LAMA1: variants seen among roughly 807,000 people sequenced by gnomAD.
LAMA1 encodes laminin subunit alpha-1.
In LAMA1, 219 loss-of-function variants were observed where a neutral mutation model predicts 348.7. That is an observed-to-expected ratio of 0.63 (90% confidence interval 0.56 to 0.70). The LOEUF (loss-of-function observed/expected upper bound fraction) is 0.70. Among genes scored for constraint, LAMA1 ranks in the 30% least tolerant of loss-of-function variants. LAMA1 has a pLI of 0.00. For synonymous variants in LAMA1, 1,487 were observed against 1,491.0 expected, an observed-to-expected ratio of 1.00 and a Z score of 0.06; for missense variants, 3,744 against 3,888.0, an observed-to-expected ratio of 0.96 and a Z score of 0.99.
intron 3 of LAMA1, among the ~76,000 whole-genome samples, chr18:7,055,941 G>A (rs576301907): frequency 2.6e-5 from 4 of 152,160 alleles, no homozygotes; most frequent in African/African-American, 4.8e-5. Flanking sequence ...TTAGCTGGGC[G>A]TGGTGGCGGA....
intron 1 of LAMA1, among the ~76,000 whole-genome samples, chr18:7,098,322 G>A (rs1306921907): frequency 9.9e-5 from 15 of 151,542 alleles, no homozygotes; most frequent in African/African-American, 3.4e-4. Flanking sequence ...CGTCTGGGAT[G>A]TGAGGAGCCC....
At chr18:7,115,975 A>G (rs2058354651) in intron 1 of LAMA1, among the ~76,000 whole-genome samples, 2 of 152,072 alleles carry the variant, frequency 1.3e-5, no homozygotes. Flanking sequence ...ACTGCAAAAA[A>G]AAAAAATCAA....
chr18:7,103,540 C>A (rs540993501), intron 1 of LAMA1, among the ~76,000 whole-genome samples: 2 of 152,132 alleles, frequency 1.3e-5, no homozygotes, highest in Admixed American at 1.3e-4. Flanking sequence ...GGTGTGGTGG[C>A]TCACGCCTGT....
chr18:7,078,902 G>A (rs976167354), intron 3 of LAMA1, among the ~76,000 whole-genome samples: 7 of 152,250 alleles, frequency 4.6e-5, no homozygotes, highest in South Asian at 2.1e-4. Flanking sequence ...CAGGAGAATC[G>A]CTTGAACCGG....
chr18:7,021,298 G>A (rs890140110), intron 19 of LAMA1, among the ~76,000 whole-genome samples: 9 of 152,124 alleles, frequency 5.9e-5, no homozygotes, highest in African/African-American at 9.7e-5. Flanking sequence ...TCCTGTGGCC[G>A]CTAACCACAC....
Position 6,999,554 on chromosome 18 carries a change from G to A in LAMA1, c.4554C>T (p.His1518=), listed in dbSNP as rs145068849. Residue 1518 remains histidine, a synonymous_variant, in exon 32 of 63, where the codon CAC becomes CAT. Coordinates refer to ENST00000389658, the MANE Select transcript of LAMA1 (RefSeq NM_005559.4). Reference sequence around the variant, plus strand: ...GCCCAGATGTGCGGTCACAGTCACCGTGGACAGAGCCGTGCGGGTTGCAGT... The same window carrying A: ...GCCCAGATGTGCGGTCACAGTCACCATGGACAGAGCCGTGCGGGTTGCAGT... ...KCDCNPHGSV[H]GDCDRTSGQC... 3,927 of 1,614,100 alleles carry A rather than the reference G, an allele frequency of 2.4e-3. 9 individuals carry two copies. The highest frequency in any genetic ancestry group is 3.1e-3 in the Non-Finnish European group (3,605 of 1,180,004).
chr18:7,099,908 A>C (rs559835321), intron 1 of LAMA1, among the ~76,000 whole-genome samples: 140 of 151,844 alleles, frequency 9.2e-4, no homozygotes, highest in African/African-American at 3.2e-3. Flanking sequence ...AAATACAAAA[A>C]ATTAGCCGGG....
At chr18:7,002,527 C>A in intron 29 of LAMA1, 142 bp from the exon 30 acceptor site, 1 of 936,154 alleles carries the variant, frequency 1.1e-6, no homozygotes, top group South Asian at 1.3e-5. Flanking sequence ...CATTTTCCTC[C>A]ATATTCTTAA....
chr18:7,097,908 G>A (rs142308471), intron 1 of LAMA1, among the ~76,000 whole-genome samples: 5,400 of 150,630 alleles, frequency 0.036, 278 homozygotes, highest in African/African-American at 0.12. Context: ...CTCTCATGCT[G>A]AGCCGAAGCT....
rs184555667 is a variant in LAMA1, at chr18:6,984,893, C to G, written c.5660+344G>C. Among the ~76,000 whole-genome samples the G allele has an allele frequency of 8.5e-4, 130 of 152,278 alleles. 1 individual carries two copies. The highest frequency in any genetic ancestry group is 2.5e-3 in the African/African-American group (104 of 41,560). On this transcript the variant is annotated intron_variant, in intron 39 of 62. Coordinates refer to ENST00000389658, the MANE Select transcript of LAMA1 (RefSeq NM_005559.4). ...AAGAAATTAATAACCTCATTCTGTT[C>G]CACCTGCAACCTAACAAAGCCCTGA...
chr18:7,020,517 G>A (rs986895648), intron 19 of LAMA1, among the ~76,000 whole-genome samples: 21 of 152,180 alleles, frequency 1.4e-4, no homozygotes, highest in Non-Finnish European at 1.3e-4. Flanking sequence ...AGGACTGCTC[G>A]TGGGATATGC....
At chr18:6,955,515 C>T in intron 56 of LAMA1, 50 bp from the exon 57 acceptor site, 1 of 1,350,428 alleles carries the variant, frequency 7.4e-7, no homozygotes, top group South Asian at 1.2e-5. Context: ...GCCCGAACCC[C>T]ACTGACACAC....
chr18:6,947,343 C>A (rs1402154554), intron 60 of LAMA1, 47 bp from the exon 61 acceptor site: 4 of 1,611,788 alleles, frequency 2.5e-6, no homozygotes, highest in Non-Finnish European at 3.4e-6. Flanking sequence ...GCTGCCAGGC[C>A]CAGGTTGAGC....
At chr18:6,948,625 T>C (rs2057532973) in intron 59 of LAMA1, 69 bp from the exon 60 acceptor site, 4 of 1,571,904 alleles carry the variant, frequency 2.5e-6, no homozygotes, top group Non-Finnish European at 3.5e-6. Flanking sequence ...ACATTTTCCT[T>C]CCACTTCATC....
rs920652121 is a variant in LAMA1 at position 7,010,511 on chromosome 18, G to A, written c.3688-126C>T. The A allele has an allele frequency of 2.0e-5, 18 of 920,186 alleles. No homozygotes were observed. The Admixed American group carries it at 3.0e-4, about 16-fold the overall frequency. The allele number at this position is 920,186 out of a possible 1,614,324, so 57.0% of individuals were successfully genotyped here. A position where few individuals can be genotyped will look rare whatever the true frequency, so the allele number is the denominator to read the frequency against. On this transcript the variant is annotated intron_variant, in intron 25 of 62. Transcript: ENST00000389658. Reference sequence around the variant, plus strand: ...AAAATACATCACATGGGTGAAATTTGTTGTCTGGAATTTGCTTCCTTCTAA... The same window carrying A: ...AAAATACATCACATGGGTGAAATTTATTGTCTGGAATTTGCTTCCTTCTAA...
chr18:6,958,416 G>A, intron 55 of LAMA1, 61 bp downstream of exon 55: 1 of 1,544,998 alleles, frequency 6.5e-7, no homozygotes, highest in South Asian at 1.1e-5. Context: ...TCAGATTAGT[G>A]TTAGCACTCA....
chr18:7,090,811 C>T, intron 1 of LAMA1, among the ~76,000 whole-genome samples: 1 of 152,064 alleles, frequency 6.6e-6, no homozygotes, highest in East Asian at 1.9e-4. Flanking sequence ...TGGCATTTAA[C>T]AAGTTGATTT....
intron 34 of LAMA1, 118 bp from the exon 35 acceptor site, chr18:6,993,870 G>C: frequency 2.7e-6 from 2 of 731,886 alleles, no homozygotes; most frequent in Non-Finnish European, 5.0e-6. Flanking sequence ...ATATATTCCA[G>C]AATATAGAGT....
chr18:7,050,327 T>C (rs2058057536), intron 4 of LAMA1, among the ~76,000 whole-genome samples: 1 of 152,158 alleles, frequency 6.6e-6, no homozygotes, highest in African/African-American at 2.4e-5. Flanking sequence ...GAGTCTCCAG[T>C]GCTCACCACC....
Sources: gnomAD v4.1 joint callset for allele counts (sites outside exome capture counted in the v4.1 genomes callset) on GRCh38, gnomAD v4.1.1 for gene constraint, MANE v1.5 for transcripts, NCBI Gene and HGNC (gene_info 2026-07-23, HGNC 2026-07-21) for gene names.